Variants in GAN observed in about 807,000 individuals in gnomAD.
The protein encoded by GAN is epididymis secretory sperm binding protein.
A neutral mutation model predicts 71.3 loss-of-function variants in GAN; 48 were observed. The observed-to-expected ratio is 0.67, with a 90% CI of 0.53 to 0.86. GAN has a LOEUF of 0.86. GAN is among the 40% of genes least tolerant of loss of function. GAN has a pLI of 0.00. For missense variants in GAN, 928 were observed against 770.1 expected (o/e 1.21, Z -2.43); for synonymous variants, 386 against 276.8 (o/e 1.39, Z -3.92).
At position 81,332,000 on chromosome 16, in the gene GAN, A is replaced by G. The variant is rs373121418; in HGVS notation, c.167+16720A>G. On this transcript the variant is annotated intron_variant, in intron 1 of 10. Coordinates refer to ENST00000648994, the MANE Select transcript of GAN (RefSeq NM_022041.4). Reference sequence around the variant, plus strand: ...CAATATGGAGAAACCTGTCTCTACTAAAAATACAAAATTAGCCGGGCATGG... The same window carrying G: ...CAATATGGAGAAACCTGTCTCTACTGAAAATACAAAATTAGCCGGGCATGG... 3.7e-3 allele frequency among the ~76,000 whole-genome samples: 556 copies of G among 152,032 alleles called. 3 individuals are homozygous for G. Among genetic ancestry groups the G allele is most frequent in the Middle Eastern group, 0.014 (4 of 294 alleles).
intron 9 of GAN, 74 bp from the exon 10 acceptor site, chr16:81,377,145 G>A: frequency 1.1e-6 from 1 of 909,418 alleles, no homozygotes; most frequent in South Asian, 1.3e-5. Flanking sequence ...CACCAAGCTT[G>A]CTGTGTCAGT....
In GAN at chr16:81,365,717, C is replaced by T. The variant is rs534711983; in HGVS notation, c.1502+239C>T. 1.5e-3 allele frequency among the ~76,000 whole-genome samples: 226 copies of T among 151,510 alleles called. 1 individual carries two copies. Among genetic ancestry groups the T allele is most frequent in the African/African-American group, 5.2e-3 (215 of 41,214 alleles). On this transcript the variant is annotated intron_variant, in intron 9 of 10. Transcript: ENST00000648994. ...ATCTTGACGCTTAGTTGCTTAAAAT[C>T]ATTTATTGGCTCCCTATAGCTTTTA... is the stretch of plus-strand genomic sequence containing the variant.
At chr16:81,339,399 A>T (rs1314925603) in intron 1 of GAN, among the ~76,000 whole-genome samples, 1 of 152,198 alleles carries the variant, frequency 6.6e-6, no homozygotes, top group Non-Finnish European at 1.5e-5. Context: ...GGTCATCAGA[A>T]AAAATCATAT....
intron 1 of GAN, among the ~76,000 whole-genome samples, chr16:81,335,746 C>CA (rs55948723): frequency 0.46 from 47,276 of 103,380 alleles, 11,559 homozygotes; most frequent in Middle Eastern, 0.57. Flanking sequence ...GACTCAGTCT[C>CA]AAAAAAAAAA....
chr16:81,317,079 G>A (rs1213447022), intron 1 of GAN, among the ~76,000 whole-genome samples: 2 of 152,188 alleles, frequency 1.3e-5, no homozygotes, highest in East Asian at 1.9e-4. Flanking sequence ...GGCTGGTCTC[G>A]AACTCCTCAC....
intron 1 of GAN, among the ~76,000 whole-genome samples, chr16:81,327,634 C>G (rs1037758746): frequency 6.6e-5 from 10 of 151,266 alleles, no homozygotes; most frequent in Non-Finnish European, 1.3e-4. Context: ...CCTTGTAACT[C>G]TCTACATTGG....
intron 1 of GAN, among the ~76,000 whole-genome samples, chr16:81,341,428 A>G (rs1424268126): frequency 6.6e-6 from 1 of 152,244 alleles, no homozygotes; most frequent in East Asian, 1.9e-4. Flanking sequence ...TCAGACTAAC[A>G]GTGGATCTCT....
At chr16:81,343,569 C>G (rs1158886295) in intron 1 of GAN, among the ~76,000 whole-genome samples, 1 of 152,158 alleles carries the variant, frequency 6.6e-6, no homozygotes, top group African/African-American at 2.4e-5. Flanking sequence ...ATTTGGCAGC[C>G]TTTCATGGTA....
At chr16:81,327,448 C>T (rs1282585878) in intron 1 of GAN, among the ~76,000 whole-genome samples, 1 of 152,180 alleles carries the variant, frequency 6.6e-6, no homozygotes, top group Non-Finnish European at 1.5e-5. Context: ...CCCTACTCCA[C>T]TATCTCCTTT....
chr16:81,364,537 A>C (rs531759210), intron 7 of GAN, among the ~76,000 whole-genome samples: 44 of 152,284 alleles, frequency 2.9e-4, no homozygotes, highest in African/African-American at 1.1e-3. Flanking sequence ...GTTTTAAATA[A>C]AGTTAGCCGG....
intron 1 of GAN, among the ~76,000 whole-genome samples, chr16:81,338,871 T>C (rs888731759): frequency 3.9e-5 from 6 of 152,192 alleles, no homozygotes; most frequent in African/African-American, 1.4e-4. Context: ...CAACTTTCAC[T>C]TCATTCTTGG....
At chr16:81,355,093 A>G (rs777887731) in intron 3 of GAN, among the ~76,000 whole-genome samples, 4 of 152,156 alleles carry the variant, frequency 2.6e-5, no homozygotes, top group African/African-American at 4.8e-5. Flanking sequence ...CTGACCTACT[A>G]TATCACTAGG....
rs558816909 is a variant in GAN at position 81,315,044 on chromosome 16, C to T, written c.-70C>T. On this transcript the variant is annotated 5_prime_UTR_variant, in exon 1 of 11. Transcript: ENST00000648994. ...GCCGGGCGGGCGCGCGCGCAGGACTCGGGCCGCTCGAGGGGTCCGGCCGGA... is the reference window on the plus strand; with the variant it reads ...GCCGGGCGGGCGCGCGCGCAGGACTTGGGCCGCTCGAGGGGTCCGGCCGGA... 23 of 1,303,640 alleles carry T rather than the reference C, an allele frequency of 1.8e-5. No homozygotes were observed. The East Asian group carries it at 5.0e-4, about 28-fold the overall frequency. The allele number at this position is 1,303,640 out of a possible 1,614,324, so 80.8% of individuals were successfully genotyped here.
Position 81,385,090 on chromosome 16 carries a change from G to A in GAN, c.*7494G>A, listed in dbSNP as rs1392370297. On this transcript the variant is annotated 3_prime_UTR_variant, in exon 11 of 11. Transcript: ENST00000648994. ...CTTAAGTTGTACCAAGTATAGCCAA[G>A]TTTAACTGTCGTTGTGTATTAATAA... The A allele has an allele frequency of 6.5e-6, 1 of 154,034 alleles. No individual in the cohort carries two copies. Among genetic ancestry groups the A allele is most frequent in the East Asian group, 1.9e-4 (1 of 5,190 alleles). The allele number at this position is 154,034 out of a possible 1,614,324, so 9.5% of individuals were successfully genotyped here.
chr16:81,334,278 G>A (rs1597392822), intron 1 of GAN, among the ~76,000 whole-genome samples: 2 of 152,180 alleles, frequency 1.3e-5, no homozygotes, highest in Admixed American at 1.3e-4. Flanking sequence ...AGGCTGTCGG[G>A]GAAGGATAGG....
intron 1 of GAN, among the ~76,000 whole-genome samples, chr16:81,320,132 G>C (rs1909177513): frequency 6.6e-6 from 1 of 152,138 alleles, no homozygotes; most frequent in Non-Finnish European, 1.5e-5. Flanking sequence ...AATTATTGAT[G>C]AGCCTGTTTT....
At chr16:81,347,838 A>G (rs1179488169) in intron 1 of GAN, among the ~76,000 whole-genome samples, 3 of 151,840 alleles carry the variant, frequency 2.0e-5, no homozygotes, top group Non-Finnish European at 4.4e-5. Flanking sequence ...CGTATCCTGA[A>G]TTATTATGAT....
Position 81,379,807 on chromosome 16 carries a change from T to C in GAN, c.*2211T>C, listed in dbSNP as rs1363194964. 6.6e-6 allele frequency: 1 copy of C among 152,216 alleles called. No homozygotes were observed. The highest frequency in any genetic ancestry group is 2.4e-5 in the African/African-American group (1 of 41,448). 9.4% of individuals were successfully genotyped at this position (152,216 alleles called of 1,614,324 possible). A position where few individuals can be genotyped will look rare whatever the true frequency, so the allele number is the denominator to read the frequency against. On this transcript the variant is annotated 3_prime_UTR_variant, in exon 11 of 11. Coordinates refer to ENST00000648994, the MANE Select transcript of GAN (RefSeq NM_022041.4). ...GATATTTAAAGTTTTTTTTCCAGTC[T>C]ACACCAGGCCTCTCCAAGGAGACAG...
At chr16:81,375,914 G>A (rs1436588831) in intron 9 of GAN, among the ~76,000 whole-genome samples, 2 of 150,710 alleles carry the variant, frequency 1.3e-5, no homozygotes, top group African/African-American at 4.9e-5. Context: ...AGACTGCAGT[G>A]AGCTGTGATT....
Sources: allele counts gnomAD v4.1 joint callset (sites outside exome capture counted in the v4.1 genomes callset), GRCh38; gene constraint gnomAD v4.1.1; transcripts MANE v1.5; gene names NCBI Gene and HGNC (gene_info 2026-07-23, HGNC 2026-07-21).